ATP6V1H: variants seen among roughly 807,000 people sequenced by gnomAD.
ATP6V1H encodes V-type proton ATPase subunit H.
In ATP6V1H, 39 loss-of-function variants were observed where a neutral mutation model predicts 71.7. That is an observed-to-expected ratio of 0.54 (90% CI 0.42 to 0.71). ATP6V1H has a LOEUF of 0.71. ATP6V1H is among the 30% of genes least tolerant of loss of function. The pLI, the probability that ATP6V1H is intolerant of heterozygous loss-of-function variation, is 0.00. For missense variants in ATP6V1H, 509 were observed against 594.9 expected, an observed-to-expected ratio of 0.86 and a Z score of 1.50; for synonymous variants, 192 against 199.3, an observed-to-expected ratio of 0.96 and a Z score of 0.31.
At chr8:53,752,054 T>A (rs958612757) in intron 12 of ATP6V1H, among the ~76,000 whole-genome samples, 1 of 152,232 alleles carries the variant, frequency 6.6e-6, no homozygotes, top group Admixed American at 6.5e-5. Flanking sequence ...AACCTATCAT[T>A]TAAGTTCCAA....
At chr8:53,759,798 C>A (rs988151398) in intron 11 of ATP6V1H, among the ~76,000 whole-genome samples, 3 of 152,146 alleles carry the variant, frequency 2.0e-5, no homozygotes, top group Non-Finnish European at 4.4e-5. Flanking sequence ...TTCAAAACTA[C>A]TAACATACAA....
At chr8:53,770,859 A>G (rs1808628995) in intron 10 of ATP6V1H, among the ~76,000 whole-genome samples, 1 of 152,248 alleles carries the variant, frequency 6.6e-6, no homozygotes, top group Non-Finnish European at 1.5e-5. Flanking sequence ...AACAGAATGT[A>G]TAGCTGTGAA....
intron 13 of ATP6V1H, among the ~76,000 whole-genome samples, chr8:53,742,676 C>T (rs528634854): frequency 2.6e-5 from 4 of 152,272 alleles, no homozygotes; most frequent in East Asian, 3.9e-4. Flanking sequence ...GTGGCAGGAA[C>T]GTAATATGTA....
rs1326786484 is a variant in ATP6V1H at position 53,715,741 on chromosome 8, T to C, written c.*223A>G. 4.7e-6 allele frequency: 2 copies of C among 425,522 alleles called. No homozygotes were observed. The highest frequency in any genetic ancestry group is 8.4e-6 in the Non-Finnish European group (2 of 238,966). The allele number at this position is 425,522 out of a possible 1,614,324, so 26.4% of individuals were successfully genotyped here. Reference sequence around the variant, plus strand: ...ATAAATACAGAAATTGCAAGCAGTATATGTAACAGTAATATTTTCTTTAAA... The same window carrying C: ...ATAAATACAGAAATTGCAAGCAGTACATGTAACAGTAATATTTTCTTTAAA... On this transcript the variant is annotated 3_prime_UTR_variant, in exon 14 of 14. Coordinates refer to ENST00000359530, the MANE Select transcript of ATP6V1H (RefSeq NM_015941.4).
intron 12 of ATP6V1H, among the ~76,000 whole-genome samples, chr8:53,755,753 T>C: frequency 5.6e-5 from 2 of 35,662 alleles, no homozygotes; most frequent in African/African-American, 2.3e-4. Context: ...TATTTTTTTT[T>C]TTTTTTTTTT....
chr8:53,716,642 A>T (rs553094637), intron 13 of ATP6V1H, among the ~76,000 whole-genome samples: 1 of 152,208 alleles, frequency 6.6e-6, no homozygotes, highest in South Asian at 2.1e-4. Context: ...GAACAATCCC[A>T]GGAGCTGAGT....
chr8:53,768,281 T>C (rs903155286), intron 11 of ATP6V1H, among the ~76,000 whole-genome samples: 5 of 152,150 alleles, frequency 3.3e-5, no homozygotes, highest in Admixed American at 6.5e-5. Flanking sequence ...AAAAAGGTCA[T>C]AATAAACGTT....
chr8:53,763,737 A>T (rs1049971121), intron 11 of ATP6V1H, among the ~76,000 whole-genome samples: 11 of 152,194 alleles, frequency 7.2e-5, no homozygotes, highest in Non-Finnish European at 1.6e-4. Flanking sequence ...GTCTTCTTAG[A>T]TCCATCAGGA....
intron 13 of ATP6V1H, among the ~76,000 whole-genome samples, chr8:53,733,245 A>G (rs1051604034): frequency 1.2e-4 from 18 of 152,232 alleles, no homozygotes; most frequent in African/African-American, 3.9e-4. Context: ...CTTTAGCATC[A>G]GACTAGCTCC....
At chr8:53,753,372 G>A (rs1807870301) in intron 12 of ATP6V1H, among the ~76,000 whole-genome samples, 1 of 152,182 alleles carries the variant, frequency 6.6e-6, no homozygotes, top group African/African-American at 2.4e-5. Flanking sequence ...GTCAAATGAA[G>A]GTACAGCATG....
intron 12 of ATP6V1H, among the ~76,000 whole-genome samples, chr8:53,755,139 ATC>A (rs1186005497): frequency 6.6e-6 from 1 of 152,112 alleles, no homozygotes; most frequent in Non-Finnish European, 1.5e-5. Context: ...AGCTTGGGAG[ATC>A]TCTCTGTTTT....
At chr8:53,784,237 C>G (rs1477075724) in intron 9 of ATP6V1H, among the ~76,000 whole-genome samples, 2 of 152,208 alleles carry the variant, frequency 1.3e-5, no homozygotes, top group African/African-American at 2.4e-5. Context: ...GTATTGGGTG[C>G]ATATATATTT....
intron 2 of ATP6V1H, among the ~76,000 whole-genome samples, chr8:53,838,668 C>T (rs891671978): frequency 4.6e-5 from 7 of 151,990 alleles, no homozygotes; most frequent in Non-Finnish European, 1.0e-4. Flanking sequence ...GTAGTTTTAC[C>T]AGATTCCAGT....
At chr8:53,744,279 C>T (rs924070432) in intron 12 of ATP6V1H, among the ~76,000 whole-genome samples, 4 of 131,412 alleles carry the variant, frequency 3.0e-5, no homozygotes, top group Non-Finnish European at 6.7e-5. Flanking sequence ...TTCATATCTT[C>T]GAGACCACCG....
At chr8:53,746,647 G>A (rs1484719501) in intron 12 of ATP6V1H, among the ~76,000 whole-genome samples, 4 of 151,444 alleles carry the variant, frequency 2.6e-5, no homozygotes, top group Non-Finnish European at 1.5e-5. Context: ...ATACCAAGTG[G>A]ATGATCTCGC....
intron 7 of ATP6V1H, among the ~76,000 whole-genome samples, chr8:53,802,571 T>G (rs1563473578): frequency 1.3e-5 from 2 of 151,858 alleles, no homozygotes; most frequent in African/African-American, 4.8e-5. Context: ...ATACAAAAAA[T>G]TAGCTGGGCC....
rs1809318917 is a variant in ATP6V1H at position 53,784,974 on chromosome 8, T to A, written c.870+10673A>T. Among the ~76,000 whole-genome samples, 4 of 152,296 alleles carry A rather than the reference T, an allele frequency of 2.6e-5. No individual in the cohort carries two copies. In the South Asian group the frequency reaches 8.3e-4, roughly 32 times the overall value. On this transcript the variant is annotated intron_variant, in intron 9 of 13. Coordinates refer to ENST00000359530, the MANE Select transcript of ATP6V1H (RefSeq NM_015941.4). ...TTCTCTCTGGCTGCCCTTAACATTT[T>A]TTCCTTCATTTCAACTTTGGTGAAT...
At chr8:53,748,572 G>A (rs1317663159) in intron 12 of ATP6V1H, among the ~76,000 whole-genome samples, 2 of 152,076 alleles carry the variant, frequency 1.3e-5, no homozygotes, top group Admixed American at 6.6e-5. Flanking sequence ...CCTATACATA[G>A]CATTAAACCA....
intron 3 of ATP6V1H, among the ~76,000 whole-genome samples, chr8:53,830,774 C>T (rs1249284794): frequency 6.6e-6 from 1 of 152,158 alleles, no homozygotes; most frequent in African/African-American, 2.4e-5. Flanking sequence ...GTTTTAACTC[C>T]TAACTCCTTA....
Sources: gnomAD v4.1 joint callset for allele counts (sites outside exome capture counted in the v4.1 genomes callset) on GRCh38, gnomAD v4.1.1 for gene constraint, MANE v1.5 for transcripts, NCBI Gene and HGNC (gene_info 2026-07-23, HGNC 2026-07-21) for gene names.